Variants in RHOF observed in about 807,000 individuals in gnomAD.
The protein encoded by RHOF is ras homolog family member F, filopodia associated.
Under a neutral mutation model 22.2 loss-of-function variants are expected in RHOF, and 21 were observed. That is an observed-to-expected ratio of 0.95 (90% CI 0.67 to 1.36). The LOEUF (loss-of-function observed/expected upper bound fraction) is 1.36, where lower values mean the gene tolerates loss of function less well. RHOF is among the 40% of genes most tolerant of loss of function. The pLI, the probability that RHOF is intolerant of heterozygous loss-of-function variation, is 0.00. For synonymous variants in RHOF, 135 were observed against 131.2 expected (o/e 1.03, Z -0.20); for missense variants, 285 against 293.7 (o/e 0.97, Z 0.22).
At chr12:121,791,906 T>C (rs1336045834) in intron 2 of RHOF, among the ~76,000 whole-genome samples, 1 of 152,186 alleles carries the variant, frequency 6.6e-6, no homozygotes, top group African/African-American at 2.4e-5. Flanking sequence ...ACAGGAAACA[T>C]GAGAGTAAAG....
At chr12:121,789,155 A>T (rs544200233) in intron 2 of RHOF, among the ~76,000 whole-genome samples, 11 of 152,268 alleles carry the variant, frequency 7.2e-5, no homozygotes, top group African/African-American at 2.6e-4. Flanking sequence ...ACTTGAGCCC[A>T]AGAGGCTGTG....
chr12:121,793,468 C>G, intron 1 of RHOF, 28 bp downstream of exon 1: 2 of 1,538,660 alleles, frequency 1.3e-6, no homozygotes, highest in Non-Finnish European at 1.7e-6. Context: ...GTCCCTCGCC[C>G]CCACCCCAGC....
intron 1 of RHOF, 39 bp downstream of exon 1, chr12:121,793,457 C>T (rs1218700308): frequency 1.3e-6 from 2 of 1,535,306 alleles, no homozygotes; most frequent in Admixed American, 2.0e-5. Context: ...GGGTAAGGGG[C>T]GTCCCTCGCC....
intron 2 of RHOF, 121 bp downstream of exon 2, chr12:121,793,031 G>A (rs951284951): frequency 1.2e-6 from 1 of 847,276 alleles, no homozygotes; most frequent in Non-Finnish European, 1.8e-6. Flanking sequence ...CTCCAGGAGT[G>A]AAGAGCCGGC....
intron 2 of RHOF, among the ~76,000 whole-genome samples, chr12:121,791,599 AT>A (rs1874766250): frequency 2.0e-5 from 3 of 152,084 alleles, no homozygotes; most frequent in Non-Finnish European, 4.4e-5. Context: ...CTTAGCACAA[AT>A]TCTTCCTACA....
At chr12:121,786,595 T>C (rs1253565093) in intron 2 of RHOF, among the ~76,000 whole-genome samples, 3 of 152,292 alleles carry the variant, frequency 2.0e-5, no homozygotes, top group Non-Finnish European at 4.4e-5. Flanking sequence ...CAGGGAGCAG[T>C]GTGGCTCCTT....
At chr12:121,780,752 C>A in intron 4 of RHOF, 120 bp downstream of exon 4, 5 of 1,168,072 alleles carry the variant, frequency 4.3e-6, no homozygotes, top group Non-Finnish European at 5.9e-6. Flanking sequence ...AAAAATTATT[C>A]TTAGAATCTT....
intron 4 of RHOF, 51 bp downstream of exon 4, chr12:121,780,821 C>G (rs767636853): frequency 2.9e-5 from 46 of 1,582,176 alleles, no homozygotes; most frequent in Non-Finnish European, 3.9e-5. Flanking sequence ...GCCAAAGGTC[C>G]GGGAGGCTTC....
Position 121,793,161 on chromosome 12 carries a change from C to A in RHOF, c.217G>T (p.Asp73Tyr), listed in dbSNP as rs1168672974. The change falls in exon 2 of 5, where the codon GAC becomes TAC. Residue 73 changes from aspartate to tyrosine, a missense_variant. Asp to Tyr is a radical substitution (Grantham distance 160, BLOSUM62 -3). Transcript: ENST00000267205. ...GSKEVTLNLY[D>Y]TAGQEDYDRL... is the part of the protein sequence containing the mutation. ...GCGCAGGCGCACTCACCGGCCGTGTCGTAGAGGTTCAGGGTCACCTCCTTG... is the reference window on the plus strand; with the variant it reads ...GCGCAGGCGCACTCACCGGCCGTGTAGTAGAGGTTCAGGGTCACCTCCTTG... 1 of 1,550,206 alleles carries A rather than the reference C, an allele frequency of 6.5e-7. No homozygotes were observed. Among genetic ancestry groups the A allele is most frequent in the South Asian group, 1.2e-5 (1 of 84,046 alleles).
At chr12:121,793,321 C>T (rs1874813522) in intron 1 of RHOF, 82 bp from the exon 2 acceptor site, 3 of 1,459,338 alleles carry the variant, frequency 2.1e-6, no homozygotes, top group African/African-American at 2.8e-5. Flanking sequence ...CCACCCCCCT[C>T]ACTCGTCCCG....
intron 2 of RHOF, 98 bp downstream of exon 2, chr12:121,793,054 A>C: frequency 1.9e-6 from 2 of 1,059,376 alleles, no homozygotes; most frequent in East Asian, 2.6e-5. Flanking sequence ...AGGCCCTGCC[A>C]AGGCTGCAGG....
intron 4 of RHOF, chr12:121,780,120 C>T (rs1188909313): frequency 1.3e-5 from 2 of 159,092 alleles, no homozygotes; most frequent in Non-Finnish European, 2.8e-5. Flanking sequence ...TGCAATGGCG[C>T]GATCTTGGTT....
At position 121,781,163 on chromosome 12, in the gene RHOF, G is replaced by T; in HGVS notation, c.256C>A (p.Leu86Met). ...GQEDYDRLRP[L>M]SYQNTHLVLI... ...ACGAGGTGGGTGTTCTGGTAGGACAGGGGCCGCAGCCGGTCATAGTCTTCT... is the reference window on the plus strand; with the variant it reads ...ACGAGGTGGGTGTTCTGGTAGGACATGGGCCGCAGCCGGTCATAGTCTTCT... The change falls in exon 3 of 5, where the codon CTG (leucine) becomes ATG (methionine). Residue 86 changes from leucine to methionine, a missense_variant. Physicochemically the swap from Leu to Met is conservative, Grantham distance 15. Coordinates refer to ENST00000267205, the MANE Select transcript of RHOF (RefSeq NM_019034.3). 6.2e-7 allele frequency: 1 copy of T among 1,614,120 alleles called. No individual in the cohort carries two copies.
At chr12:121,786,648 A>G (rs1057233214) in intron 2 of RHOF, among the ~76,000 whole-genome samples, 1 of 152,134 alleles carries the variant, frequency 6.6e-6, no homozygotes, top group Non-Finnish European at 1.5e-5. Flanking sequence ...GCCTCCTCCC[A>G]GAGACCTTTC....
Position 121,779,318 on chromosome 12 carries a change from G to T in RHOF, c.*180C>A. On this transcript the variant is annotated 3_prime_UTR_variant, in exon 5 of 5. Transcript: ENST00000267205. The stretch of plus-strand genomic sequence containing the variant: ...ACCATGTCCCAGGGGCAGCCTGGAG[G>T]GGAGTTTGTGGTCAGAGCCCCAGCC... 1 of 659,354 alleles carries T rather than the reference G, an allele frequency of 1.5e-6. No individual in the cohort carries two copies. Among genetic ancestry groups the T allele is most frequent in the East Asian group, 2.8e-5 (1 of 36,288 alleles). 40.8% of individuals were successfully genotyped at this position (659,354 alleles called of 1,614,324 possible). A position where few individuals can be genotyped will look rare whatever the true frequency, so the allele number is the denominator to read the frequency against.
chr12:121,780,762 T>G, intron 4 of RHOF, 110 bp downstream of exon 4: 1 of 1,253,886 alleles, frequency 8.0e-7, no homozygotes, highest in Non-Finnish European at 1.1e-6. Context: ...CTTAGAATCT[T>G]GCTTCCCTCA....
rs371428063 is a variant in RHOF at position 121,779,648 on chromosome 12, G to A, written c.486C>T (p.Cys162=). Residue 162 remains cysteine (C), a synonymous_variant, in exon 5 of 5, where the codon TGC becomes TGT. Coordinates refer to ENST00000267205, the MANE Select transcript of RHOF (RefSeq NM_019034.3). Reference sequence around the variant, plus strand: ...GGTAGAGAGCAGCTCGGATCTGTTCGCAGGCGCTCAGGCCCTGGGTGGGGG... The same window carrying A: ...GGTAGAGAGCAGCTCGGATCTGTTCACAGGCGCTCAGGCCCTGGGTGGGGG... The part of the protein sequence containing the change: ...PITYMQGLSA[C]EQIRAALYLE... 1.2e-5 allele frequency: 20 copies of A among 1,613,856 alleles called. No individual in the cohort carries two copies. The highest frequency in any genetic ancestry group is 6.7e-5 in the African/African-American group (5 of 74,960).
Position 121,779,535 on chromosome 12 carries a change from T to C in RHOF, c.599A>G (p.Gln200Arg). 2 of 1,613,052 alleles carry C rather than the reference T, an allele frequency of 1.2e-6. No individual in the cohort carries two copies. Among genetic ancestry groups the C allele is most frequent in the Non-Finnish European group, 1.7e-6 (2 of 1,179,384 alleles). ...KVALSALKKA[Q>R]RQKKRRLCLL... ...GCAGAGCCGGCGCTTCTTCTGCCGT[T>C]GCGCCTTCTTCAGAGCGCTGAGAGC... The change falls in exon 5 of 5, where the codon CAA becomes CGA. Residue 200 changes from glutamine to arginine, a missense_variant. By Grantham distance (43) the Gln-to-Arg change is conservative. Transcript: ENST00000267205.
chr12:121,790,916 C>T (rs150752993), intron 2 of RHOF, among the ~76,000 whole-genome samples: 1 of 152,302 alleles, frequency 6.6e-6, no homozygotes, highest in East Asian at 1.9e-4. Flanking sequence ...CTCTGTTGCC[C>T]AGGCTGGAGT....
Sources: allele counts gnomAD v4.1 joint callset (sites outside exome capture counted in the v4.1 genomes callset), GRCh38; gene constraint gnomAD v4.1.1; transcripts MANE v1.5; gene names NCBI Gene and HGNC (gene_info 2026-07-23, HGNC 2026-07-21).